ZNF605: variants seen among roughly 807,000 people sequenced by gnomAD.
ZNF605 encodes zinc finger protein 605.
ZNF605 carries 9 observed loss-of-function variants against 7.9 expected under a neutral mutation model. The ratio of observed to expected loss-of-function variants is 1.14; its 90% confidence interval spans 0.68 to 1.98. ZNF605 has a LOEUF of 1.98. Among genes scored for constraint, ZNF605 ranks in the 30% most tolerant of loss-of-function variants. The probability of loss-of-function intolerance (pLI) is 0.00; values close to 1 mark genes in which losing one functional copy is unlikely to be tolerated. For synonymous variants in ZNF605, 255 were observed against 260.1 expected (o/e 0.98, Z 0.19); for missense variants, 673 against 762.4 (o/e 0.88, Z 1.38).
rs1213944325 is a variant in ZNF605 at position 132,921,726 on chromosome 12, T to G, written c.*3647A>C. Reference sequence around the variant, plus strand: ...ATGCAGGTTAAAATGCAAATCCAAGTGAAAGGAAAAAGCACTACTGTGAAG... The same window carrying G: ...ATGCAGGTTAAAATGCAAATCCAAGGGAAAGGAAAAAGCACTACTGTGAAG... On this transcript the variant is annotated 3_prime_UTR_variant, in exon 5 of 5. Transcript: ENST00000360187. 2.6e-5 allele frequency: 4 copies of G among 152,266 alleles called. No individual in the cohort carries two copies. In the East Asian group the frequency reaches 7.7e-4, roughly 29 times the overall value. The allele number at this position is 152,266 out of a possible 1,614,324, so 9.4% of individuals were successfully genotyped here. A position where few individuals can be genotyped will look rare whatever the true frequency, so the allele number is the denominator to read the frequency against.
At position 132,925,826 on chromosome 12, in the gene ZNF605, A is replaced by G; in HGVS notation, c.1473T>C (p.Ser491=). 1 of 1,614,066 alleles carries G rather than the reference A, an allele frequency of 6.2e-7. No individual in the cohort carries two copies. Among genetic ancestry groups the G allele is most frequent in the Non-Finnish European group, 8.5e-7 (1 of 1,180,016 alleles). ...ECRKTFSEKS[S]LIHHQRTHTG... ...TATGGGTTCTCTGATGATGAATGAG[A>G]CTTGACTTCTCACTGAAGGTTTTCC... Residue 491 remains serine (S), a synonymous_variant, in exon 5 of 5, where the codon AGT becomes AGC. Coordinates refer to ENST00000360187, the MANE Select transcript of ZNF605 (RefSeq NM_183238.4).
chr12:132,950,856 TACAG>T (rs1433394893), intron 1 of ZNF605, among the ~76,000 whole-genome samples: 4 of 149,632 alleles, frequency 2.7e-5, no homozygotes, highest in African/African-American at 9.9e-5. Context: ...TACAGACATG[TACAG>T]ACACACTGAT....
chr12:132,951,356 CAG>C, intron 1 of ZNF605, among the ~76,000 whole-genome samples: 1 of 151,666 alleles, frequency 6.6e-6, no homozygotes, highest in African/African-American at 2.4e-5. Context: ...CACGTACACA[CAG>C]ATACACACGT....
At position 132,926,097 on chromosome 12, in the gene ZNF605, G is replaced by A; in HGVS notation, c.1202C>T (p.Ala401Val). 1.9e-6 allele frequency: 3 copies of A among 1,614,152 alleles called. No individual in the cohort carries two copies. The highest frequency in any genetic ancestry group is 1.7e-6 in the Non-Finnish European group (2 of 1,180,014). ...KNYRCSDCEE[A>V]FFKKSELIRH... ...TATTAACTCTGACTTCTTAAAGAAG[G>A]CCTCCTCACAATCACTGCATCGATA... The change falls in exon 5 of 5, where the codon GCC becomes GTC. Residue 401 changes from alanine (A) to valine (V), a missense_variant. By Grantham distance (64) the Ala-to-Val change is moderately conservative. Coordinates refer to ENST00000360187, the MANE Select transcript of ZNF605 (RefSeq NM_183238.4).
chr12:132,936,807 A>T (rs1238123445), intron 3 of ZNF605, among the ~76,000 whole-genome samples: 1 of 152,212 alleles, frequency 6.6e-6, no homozygotes, highest in Non-Finnish European at 1.5e-5. Context: ...GGGTTTGGCA[A>T]TGAGTTAGAT....
intron 3 of ZNF605, among the ~76,000 whole-genome samples, chr12:132,942,553 C>T (rs2137150960): frequency 6.6e-6 from 1 of 152,360 alleles, no homozygotes; most frequent in South Asian, 2.1e-4. Flanking sequence ...CCAGACTGGA[C>T]AGAGGCCCGA....
intron 1 of ZNF605, among the ~76,000 whole-genome samples, chr12:132,951,299 TAC>T (rs1446627250): frequency 4.7e-5 from 7 of 147,382 alleles, no homozygotes; most frequent in Non-Finnish European, 7.5e-5. Context: ...CACAGACACG[TAC>T]ACAGACATGC....
At chr12:132,939,015 C>T (rs986614909) in intron 3 of ZNF605, among the ~76,000 whole-genome samples, 1 of 151,562 alleles carries the variant, frequency 6.6e-6, no homozygotes, top group Non-Finnish European at 1.5e-5. Flanking sequence ...CACCTGCAGC[C>T]CACCATGCCT....
intron 3 of ZNF605, chr12:132,945,202 G>T (rs1952483995): frequency 5.2e-6 from 3 of 574,474 alleles, no homozygotes; most frequent in African/African-American, 1.9e-5. Flanking sequence ...GACCTCAAAT[G>T]ATCTGCCCTC....
intron 1 of ZNF605, among the ~76,000 whole-genome samples, chr12:132,951,749 TAC>T (rs1952571708): frequency 4.0e-5 from 6 of 151,734 alleles, no homozygotes; most frequent in African/African-American, 1.5e-4. Flanking sequence ...CATACACATG[TAC>T]AACACACATC....
intron 3 of ZNF605, among the ~76,000 whole-genome samples, chr12:132,940,833 G>A (rs928955019): frequency 3.3e-5 from 5 of 152,108 alleles, no homozygotes; most frequent in East Asian, 1.9e-4. Context: ...TTTGGGGTAC[G>A]ACTGATCCTG....
chr12:132,950,939 G>A (rs1014012662), intron 1 of ZNF605, among the ~76,000 whole-genome samples: 11 of 145,928 alleles, frequency 7.5e-5, no homozygotes, highest in South Asian at 2.2e-4. Flanking sequence ...ACACAGACAC[G>A]TACACATAGA....
chr12:132,938,290 A>G (rs1446291251), intron 3 of ZNF605, among the ~76,000 whole-genome samples: 1 of 149,836 alleles, frequency 6.7e-6, no homozygotes, highest in South Asian at 2.1e-4. Flanking sequence ...GATCCCATTT[A>G]TTTTTTTATT....
In ZNF605 at chr12:132,936,027, C is replaced by T. The variant is rs1952362492; in HGVS notation, c.16-2872G>A. 2.0e-5 allele frequency among the ~76,000 whole-genome samples: 3 copies of T among 151,690 alleles called. No homozygotes were observed. In the South Asian group the frequency reaches 6.2e-4, roughly 31 times the overall value. ...AGTGAGCCGAGATGGCGCTACTGCA[C>T]TCCAGCCTGGGCGACAGAGCAAGAC... On this transcript the variant is annotated intron_variant, in intron 3 of 4. Coordinates refer to ENST00000360187, the MANE Select transcript of ZNF605 (RefSeq NM_183238.4).
intron 2 of ZNF605, among the ~76,000 whole-genome samples, chr12:132,946,032 C>T (rs966744303): frequency 1.3e-4 from 20 of 152,078 alleles, no homozygotes; most frequent in South Asian, 2.1e-4. Context: ...TGAACAGCCC[C>T]GGCTCCACCC....
intron 3 of ZNF605, among the ~76,000 whole-genome samples, chr12:132,939,667 T>C (rs938318429): frequency 8.5e-5 from 13 of 152,144 alleles, no homozygotes; most frequent in African/African-American, 1.4e-4. Context: ...TGGGGCCAGA[T>C]AGGAGAATAA....
Position 132,926,198 on chromosome 12 carries a change from G to A in ZNF605, c.1101C>T (p.Cys367=). 6.2e-7 allele frequency: 1 copy of A among 1,614,166 alleles called. No homozygotes were observed. Among genetic ancestry groups the A allele is most frequent in the Non-Finnish European group, 8.5e-7 (1 of 1,180,040 alleles). Residue 367 remains cysteine, a synonymous_variant, in exon 5 of 5, where the codon TGC becomes TGT. Coordinates refer to ENST00000360187, the MANE Select transcript of ZNF605 (RefSeq NM_183238.4). ...TGATGAAGGCTTCACCACATTCGTT[G>A]CATTCGTAGGGCTTCTCTCCTGTAT... ...RIHTGEKPYE[C]NECGEAFIRK...
At chr12:132,952,663 G>A (rs1293234481) in intron 1 of ZNF605, among the ~76,000 whole-genome samples, 1 of 151,820 alleles carries the variant, frequency 6.6e-6, no homozygotes, top group Non-Finnish European at 1.5e-5. Flanking sequence ...AGGTCATCAG[G>A]AGGGATGGAA....
rs1003490096 is a variant in ZNF605, at chr12:132,934,204, G to A, written c.16-1049C>T. 6.6e-5 allele frequency among the ~76,000 whole-genome samples: 10 copies of A among 151,704 alleles called. No homozygotes were observed. The South Asian group carries it at 1.0e-3, about 16-fold the overall frequency. On this transcript the variant is annotated intron_variant, in intron 3 of 4. Coordinates refer to ENST00000360187, the MANE Select transcript of ZNF605 (RefSeq NM_183238.4). ...TGAGGCAGGAGAATCACTTGAACCT[G>A]GGAGGTGGAGGTTGCAGTGAGCCAA...
Sources: gnomAD v4.1 joint callset for allele counts (sites outside exome capture counted in the v4.1 genomes callset) on GRCh38, gnomAD v4.1.1 for gene constraint, MANE v1.5 for transcripts, NCBI Gene and HGNC (gene_info 2026-07-23, HGNC 2026-07-21) for gene names.